FSTL5: variants seen among roughly 807,000 people sequenced by gnomAD.
FSTL5 encodes follistatin-related protein 5.
In FSTL5, 62 loss-of-function variants were observed where a neutral mutation model predicts 89.1. The ratio of observed to expected loss-of-function variants is 0.70; its 90% CI spans 0.57 to 0.86. The LOEUF (loss-of-function observed/expected upper bound fraction) is 0.86. FSTL5 is among the 40% of genes least tolerant of loss of function. FSTL5 has a pLI of 0.00. For missense variants in FSTL5, 1,057 were observed against 1,001.6 expected, an observed-to-expected ratio of 1.06 and a Z score of -0.75; for synonymous variants, 383 against 346.2, an observed-to-expected ratio of 1.11 and a Z score of -1.18.
Position 161,603,093 on chromosome 4 carries a change from T to C in FSTL5, c.895-15518A>G, listed in dbSNP as rs561502841. 3.7e-4 allele frequency among the ~76,000 whole-genome samples: 57 copies of C among 152,168 alleles called. No individual in the cohort carries two copies. The East Asian group carries it at 9.9e-3, about 26-fold the overall frequency. ...CAGGAAAAAAGATGAGAGGAAGTAT[T>C]TGAGGGTACAGAGCTCTAAGGAGCT... On this transcript the variant is annotated intron_variant, in intron 7 of 15. Coordinates refer to ENST00000306100, the MANE Select transcript of FSTL5 (RefSeq NM_020116.5).
chr4:161,406,990 T>C (rs942522516), intron 15 of FSTL5, among the ~76,000 whole-genome samples: 2 of 152,202 alleles, frequency 1.3e-5, no homozygotes, highest in Non-Finnish European at 2.9e-5. Flanking sequence ...TCATTTTTGT[T>C]CCTCCTTTCT....
At chr4:161,641,761 A>G in intron 7 of FSTL5, among the ~76,000 whole-genome samples, 1 of 152,116 alleles carries the variant, frequency 6.6e-6, no homozygotes, top group South Asian at 2.1e-4. Flanking sequence ...AAATGCTGGG[A>G]TTACAGGCAT....
At chr4:161,605,497 A>T (rs994321723) in intron 7 of FSTL5, among the ~76,000 whole-genome samples, 7 of 152,130 alleles carry the variant, frequency 4.6e-5, no homozygotes, top group Non-Finnish European at 8.8e-5. Context: ...TTTTTTTCCC[A>T]AAAACATCTT....
intron 2 of FSTL5, among the ~76,000 whole-genome samples, chr4:162,097,969 G>T (rs1405172968): frequency 1.3e-5 from 2 of 151,780 alleles, no homozygotes; most frequent in Non-Finnish European, 2.9e-5. Context: ...CGACCCAAGG[G>T]AAACTGAAAT....
At chr4:161,982,602 C>T (rs1735854804) in intron 3 of FSTL5, among the ~76,000 whole-genome samples, 1 of 152,122 alleles carries the variant, frequency 6.6e-6, no homozygotes, top group South Asian at 2.1e-4. Flanking sequence ...TGATCTAATA[C>T]ATATAAAAGA....
chr4:162,049,929 A>G (rs1194862972), intron 2 of FSTL5, among the ~76,000 whole-genome samples: 1 of 152,078 alleles, frequency 6.6e-6, no homozygotes, highest in Non-Finnish European at 1.5e-5. Context: ...AATGAATATG[A>G]GATAGGAGTT....
intron 2 of FSTL5, among the ~76,000 whole-genome samples, chr4:162,044,393 T>C (rs1738092719): frequency 6.6e-6 from 1 of 152,184 alleles, no homozygotes; most frequent in Admixed American, 6.6e-5. Context: ...GCTTAAAATA[T>C]TCAGTAAACC....
At chr4:161,465,593 C>T (rs1395928915) in intron 13 of FSTL5, among the ~76,000 whole-genome samples, 1 of 152,162 alleles carries the variant, frequency 6.6e-6, no homozygotes, top group African/African-American at 2.4e-5. Context: ...ATAATTTACA[C>T]TTGACTACCC....
chr4:161,422,203 C>T (rs148873959), intron 15 of FSTL5, among the ~76,000 whole-genome samples: 6 of 151,798 alleles, frequency 4.0e-5, no homozygotes, highest in East Asian at 1.9e-4. Flanking sequence ...ACATAATTTC[C>T]GTATTTCATT....
intron 15 of FSTL5, among the ~76,000 whole-genome samples, chr4:161,394,864 C>A (rs1560873585): frequency 6.6e-6 from 1 of 152,118 alleles, no homozygotes; most frequent in Admixed American, 6.6e-5. Context: ...CTTTTAGGGT[C>A]TTCAAATTAT....
chr4:161,629,758 T>G (rs1735440923), intron 7 of FSTL5, among the ~76,000 whole-genome samples: 1 of 152,212 alleles, frequency 6.6e-6, no homozygotes, highest in African/African-American at 2.4e-5. Flanking sequence ...AAAATTATTA[T>G]CAGCCCCAAA....
intron 6 of FSTL5, among the ~76,000 whole-genome samples, chr4:161,722,779 T>C (rs192589958): frequency 3.2e-4 from 48 of 152,308 alleles, no homozygotes; most frequent in Admixed American, 1.8e-3. Flanking sequence ...GCATGATTGA[T>C]TACCTTTTAA....
intron 8 of FSTL5, among the ~76,000 whole-genome samples, chr4:161,586,171 C>A (rs1733610579): frequency 6.6e-6 from 1 of 152,154 alleles, no homozygotes; most frequent in African/African-American, 2.4e-5. Flanking sequence ...AGGCTCAATC[C>A]TCTGACTTCA....
At chr4:161,908,800 A>T (rs540233666) in intron 4 of FSTL5, among the ~76,000 whole-genome samples, 21 of 152,280 alleles carry the variant, frequency 1.4e-4, no homozygotes, top group African/African-American at 5.1e-4. Context: ...AGTCTCAATA[A>T]TGTTTACTTA....
In FSTL5 at chr4:162,028,855, T is replaced by G. The variant is rs145251546; in HGVS notation, c.160+4770A>C. On this transcript the variant is annotated intron_variant, in intron 3 of 15. Transcript: ENST00000306100. ...GAATCTGAAGGCCCATTTCTATCTATTCACCATTTCTGACTGGCTACTTGA... is the reference window on the plus strand; with the variant it reads ...GAATCTGAAGGCCCATTTCTATCTAGTCACCATTTCTGACTGGCTACTTGA... Among the ~76,000 whole-genome samples, 190 of 152,284 alleles carry G rather than the reference T, an allele frequency of 1.2e-3. 2 individuals carry two copies. The highest frequency in any genetic ancestry group is 4.4e-3 in the African/African-American group (183 of 41,574).
At chr4:161,478,775 T>C (rs182194490) in intron 13 of FSTL5, among the ~76,000 whole-genome samples, 425 of 152,164 alleles carry the variant, frequency 2.8e-3, no homozygotes, top group Non-Finnish European at 4.8e-3. Context: ...AATGCCATGG[T>C]TATAAATAAA....
At chr4:161,567,729 A>G (rs1732866953) in intron 8 of FSTL5, among the ~76,000 whole-genome samples, 1 of 152,176 alleles carries the variant, frequency 6.6e-6, no homozygotes, top group South Asian at 2.1e-4. Flanking sequence ...TAAGTCAATC[A>G]TAGGTGAATA....
rs974690710 is a variant in FSTL5 at position 161,796,905 on chromosome 4, T to C, written c.410-20831A>G. Among the ~76,000 whole-genome samples the C allele has an allele frequency of 5.3e-5, 8 of 151,644 alleles. 1 individual carries two copies. The highest frequency in any genetic ancestry group is 2.6e-4 in the Admixed American group (4 of 15,214). Reference sequence around the variant, plus strand: ...TCCTTAATTTCATCTGATGGTCTTCTGTCTTGCTTTCTTAATATCTATTTT... The same window carrying C: ...TCCTTAATTTCATCTGATGGTCTTCCGTCTTGCTTTCTTAATATCTATTTT... On this transcript the variant is annotated intron_variant, in intron 4 of 15. Coordinates refer to ENST00000306100, the MANE Select transcript of FSTL5 (RefSeq NM_020116.5).
intron 6 of FSTL5, among the ~76,000 whole-genome samples, chr4:161,717,998 A>C (rs1299776847): frequency 6.6e-6 from 1 of 152,168 alleles, no homozygotes; most frequent in Non-Finnish European, 1.5e-5. Context: ...CAAAAAGAAA[A>C]AGTTATTTAT....
Sources: gnomAD v4.1 joint callset for allele counts (sites outside exome capture counted in the v4.1 genomes callset) on GRCh38, gnomAD v4.1.1 for gene constraint, MANE v1.5 for transcripts, NCBI Gene and HGNC (gene_info 2026-07-23, HGNC 2026-07-21) for gene names.